Variants in PIAS1 observed in about 807,000 individuals in gnomAD.
PIAS1 encodes E3 SUMO-protein ligase PIAS1.
Under a neutral mutation model 71.3 loss-of-function variants are expected in PIAS1, and 6 were observed. The observed-to-expected ratio is 0.08, with a 90% confidence interval of 0.05 to 0.17. The LOEUF is 0.17. PIAS1 is among the 10% of genes least tolerant of loss of function. The pLI is 1.00. For missense variants in PIAS1, 555 were observed against 793.6 expected (o/e 0.70, Z 3.61); for synonymous variants, 303 against 292.9 (o/e 1.03, Z -0.35).
intron 2 of PIAS1, among the ~76,000 whole-genome samples, chr15:68,120,312 A>G (rs554253519): frequency 1.3e-5 from 2 of 151,828 alleles, no homozygotes; most frequent in African/African-American, 4.8e-5. Flanking sequence ...TATTTAGACT[A>G]TTTACATTTT....
rs1190504156 is a variant in PIAS1, at chr15:68,167,188, A to G, written c.1008+2384A>G. Among the ~76,000 whole-genome samples the G allele has an allele frequency of 8.5e-6, 1 of 118,178 alleles. No individual in the cohort carries two copies. The highest frequency in any genetic ancestry group is 2.0e-4 in the East Asian group (1 of 5,008). 77.5% of individuals were successfully genotyped at this position (118,178 alleles called of 152,430 possible). ...TATAAAACAAAACAACTATATATGT[A>G]TATTGTGTGTGTGTGTGTGTGTGTG... On this transcript the variant is annotated intron_variant, in intron 8 of 13. Transcript: ENST00000249636. This position sits in a 1 kb window ranked among gnomAD's most constrained non-coding sequence, Gnocchi z 4.4.
At chr15:68,058,875 C>T (rs1422791991) in intron 1 of PIAS1, among the ~76,000 whole-genome samples, 2 of 151,992 alleles carry the variant, frequency 1.3e-5, no homozygotes, top group East Asian at 3.8e-4. Flanking sequence ...TAAAAAGATA[C>T]AACACTGTTT....
chr15:68,088,496 G>GT (rs548356645), intron 2 of PIAS1, among the ~76,000 whole-genome samples: 176 of 152,126 alleles, frequency 1.2e-3, no homozygotes, highest in African/African-American at 4.0e-3. Flanking sequence ...TTTGTGGTAT[G>GT]TATTCACAGA....
At chr15:68,114,626 T>C (rs2092550367) in intron 2 of PIAS1, among the ~76,000 whole-genome samples, 1 of 152,080 alleles carries the variant, frequency 6.6e-6, no homozygotes, top group South Asian at 2.1e-4. Flanking sequence ...TTCTTTCTGC[T>C]GGTGAGGTGG....
intron 2 of PIAS1, among the ~76,000 whole-genome samples, chr15:68,105,195 C>T (rs1013380826): frequency 6.6e-6 from 1 of 152,094 alleles, no homozygotes; most frequent in African/African-American, 2.4e-5. Flanking sequence ...TTGTTAACTT[C>T]CTCTTAGCAG....
At chr15:68,132,740 A>ATGT (rs1276922741) in intron 2 of PIAS1, among the ~76,000 whole-genome samples, 3 of 152,178 alleles carry the variant, frequency 2.0e-5, no homozygotes, top group Admixed American at 2.0e-4. Flanking sequence ...TAGAAGAACA[A>ATGT]AAACCGAAAT....
chr15:68,187,663 C>G lies in PIAS1; in HGVS notation c.1784C>G (p.Ala595Gly). Residue 595 changes from alanine to glycine, a missense_variant, in exon 14 of 14, where the codon GCA becomes GGA. Transcript: ENST00000249636. This position sits in a 1 kb window ranked among gnomAD's most constrained non-coding sequence, Gnocchi z 5.3. ...SSQMFLDQLS[A>G]GGSTSLPTTN... ...CAGATGTTTCTTGATCAGTTAAGTGCAGGAGGCAGTACTTCTCTGCCAACC... is the reference window on the plus strand; with the variant it reads ...CAGATGTTTCTTGATCAGTTAAGTGGAGGAGGCAGTACTTCTCTGCCAACC... 1 of 1,613,976 alleles carries G rather than the reference C, an allele frequency of 6.2e-7. No homozygotes were observed.
intron 7 of PIAS1, among the ~76,000 whole-genome samples, 163 bp from the exon 8 acceptor site, chr15:68,164,568 A>T (rs1276693836): frequency 6.6e-6 from 1 of 152,218 alleles, no homozygotes; most frequent in East Asian, 1.9e-4. Context: ...TCCTTTGCTT[A>T]TAGAATTAAA....
intron 1 of PIAS1, among the ~76,000 whole-genome samples, chr15:68,059,081 T>C (rs1324109770): frequency 6.8e-6 from 1 of 148,126 alleles, no homozygotes; most frequent in African/African-American, 2.5e-5. Context: ...CTCGGCGCAC[T>C]GCAAGCTCCG....
chr15:68,058,332 A>G (rs1318684863), intron 1 of PIAS1, among the ~76,000 whole-genome samples: 1 of 152,246 alleles, frequency 6.6e-6, no homozygotes, highest in African/African-American at 2.4e-5. Context: ...TTTGCAGTTC[A>G]TAATATATTG....
At chr15:68,084,503 AAG>A (rs763704276) in intron 1 of PIAS1, among the ~76,000 whole-genome samples, 16 of 152,336 alleles carry the variant, frequency 1.1e-4, no homozygotes, top group Admixed American at 5.2e-4. Context: ...TAACATTAAA[AAG>A]AGAAAACATT....
At chr15:68,068,686 C>G (rs1228951994) in intron 1 of PIAS1, among the ~76,000 whole-genome samples, 3 of 151,896 alleles carry the variant, frequency 2.0e-5, no homozygotes, top group Non-Finnish European at 4.4e-5. Context: ...CTCATGACCT[C>G]AGGTGTTCCA....
chr15:68,162,185 A>G (rs62004794), intron 7 of PIAS1, among the ~76,000 whole-genome samples: 73,535 of 151,882 alleles, frequency 0.48, 18,594 homozygotes, highest in Middle Eastern at 0.56. Flanking sequence ...AAGCTAGGCT[A>G]TCCCTAGGTC....
At chr15:68,180,614 C>T (rs1214731393) in intron 11 of PIAS1, among the ~76,000 whole-genome samples, 1 of 93,552 alleles carries the variant, frequency 1.1e-5, no homozygotes. Context: ...TCTTGTTTCA[C>T]TACATTAGAT....
rs2093130253 is a variant in PIAS1, at chr15:68,193,606, T to G, written c.*5771T>G. On this transcript the variant is annotated 3_prime_UTR_variant, in exon 14 of 14. Transcript: ENST00000249636. ...AATAAGTCTCTTGGTAGATTGCCCTTAAGTCATCAGCTCAATCCTTCCTCA... is the reference window on the plus strand; with the variant it reads ...AATAAGTCTCTTGGTAGATTGCCCTGAAGTCATCAGCTCAATCCTTCCTCA... 5.9e-6 allele frequency: 1 copy of G among 170,406 alleles called. No individual in the cohort carries two copies. Among genetic ancestry groups the G allele is most frequent in the East Asian group, 1.6e-4 (1 of 6,204 alleles). The allele number at this position is 170,406 out of a possible 1,614,324, so 10.6% of individuals were successfully genotyped here. A position where few individuals can be genotyped will look rare whatever the true frequency, so the allele number is the denominator to read the frequency against.
intron 2 of PIAS1, among the ~76,000 whole-genome samples, chr15:68,119,801 TTCTC>T (rs2092598357): frequency 6.6e-6 from 1 of 152,206 alleles, no homozygotes; most frequent in Non-Finnish European, 1.5e-5. Context: ...ATTTGTTTAT[TTCTC>T]ATTGTAGTTC....
intron 2 of PIAS1, among the ~76,000 whole-genome samples, chr15:68,127,126 A>G (rs1363270771): frequency 3.3e-5 from 5 of 151,354 alleles, no homozygotes; most frequent in African/African-American, 7.3e-5. Flanking sequence ...GGGTTTCACT[A>G]TGTTGGCCAG....
In PIAS1 at chr15:68,135,462, C is replaced by T. The variant is rs1248476935; in HGVS notation, c.470-6484C>T. ...GGTGGCTGGGCAGAGGCGCCCCCCA[C>T]CCCCCGGACGGGGCGGCTGGCCGGG... is the stretch of plus-strand genomic sequence containing the variant. On this transcript the variant is annotated intron_variant, in intron 2 of 13. Coordinates refer to ENST00000249636, the MANE Select transcript of PIAS1 (RefSeq NM_016166.3). Among the ~76,000 whole-genome samples, 9 of 24,604 alleles carry T rather than the reference C, an allele frequency of 3.7e-4. 1 individual carries two copies. Among genetic ancestry groups the T allele is most frequent in the African/African-American group, 6.7e-4 (8 of 12,028 alleles). 16.1% of individuals were successfully genotyped at this position (24,604 alleles called of 152,430 possible).
At chr15:68,134,505 TG>T (rs1567057452) in intron 2 of PIAS1, among the ~76,000 whole-genome samples, 1 of 36,670 alleles carries the variant, frequency 2.7e-5, no homozygotes, top group African/African-American at 5.8e-5. Flanking sequence ...CCCCCCCCAC[TG>T]CCCTCCCGGA....
Sources: gnomAD v4.1 joint callset for allele counts (sites outside exome capture counted in the v4.1 genomes callset) on GRCh38, gnomAD v4.1.1 for gene constraint, Gnocchi (gnomAD v3.1) non-coding constraint, MANE v1.5 for transcripts, NCBI Gene and HGNC (gene_info 2026-07-23, HGNC 2026-07-21) for gene names.